The following RPS6KC1 variants were observed in gnomAD, a reference collection of about 807,000 sequenced individuals.
RPS6KC1 encodes ribosomal protein S6 kinase C1.
A neutral mutation model predicts 103.8 loss-of-function variants in RPS6KC1; 54 were observed. The observed-to-expected ratio is 0.52, with a 90% CI of 0.42 to 0.65. RPS6KC1 has a LOEUF of 0.65. Among genes scored for constraint, RPS6KC1 ranks in the 30% least tolerant of loss-of-function variants. The pLI is 0.00. For missense variants in RPS6KC1, 1,151 were observed against 1,253.8 expected (o/e 0.92, Z 1.24); for synonymous variants, 439 against 438.7 (o/e 1.00, Z -0.01).
the RPS6KC1 span, among the ~76,000 whole-genome samples, chr1:213,499,766 T>C: frequency 1.3e-5 from 2 of 152,092 alleles, no homozygotes; most frequent in Non-Finnish European, 2.9e-5. Flanking sequence ...AGCCTATTGC[T>C]CCTAGACTAC....
At chr1:213,430,617 CT>C in the RPS6KC1 span, among the ~76,000 whole-genome samples, 1 of 152,312 alleles carries the variant, frequency 6.6e-6, no homozygotes, top group South Asian at 2.1e-4. Flanking sequence ...TCCTCAGCAT[CT>C]GGACGAAGTC....
At chr1:213,491,839 G>A in the RPS6KC1 span, among the ~76,000 whole-genome samples, 2 of 152,190 alleles carry the variant, frequency 1.3e-5, no homozygotes, top group South Asian at 4.1e-4. Flanking sequence ...TGGAACAGGG[G>A]CTGAACAGGG....
At chr1:213,756,872 A>G in the RPS6KC1 span, among the ~76,000 whole-genome samples, 1 of 152,234 alleles carries the variant, frequency 6.6e-6, no homozygotes, top group East Asian at 1.9e-4. Flanking sequence ...GGCCCCCCCA[A>G]AGTACTGGTA....
rs534336962 is a variant in RPS6KC1, at chr1:213,078,473, C to T, written c.262+657C>T. ...CTGGAGTATAGTGGCACGATCTTGGCTTACTGCAGCCTCCACCTCCTGGGT... is the reference window on the plus strand; with the variant it reads ...CTGGAGTATAGTGGCACGATCTTGGTTTACTGCAGCCTCCACCTCCTGGGT... On this transcript the variant is annotated intron_variant, in intron 3 of 14. Coordinates refer to ENST00000366960, the MANE Select transcript of RPS6KC1 (RefSeq NM_012424.6). Among the ~76,000 whole-genome samples the T allele has an allele frequency of 2.0e-3, 300 of 152,186 alleles. 1 individual carries two copies. The highest frequency in any genetic ancestry group is 7.0e-3 in the African/African-American group (289 of 41,524).
chr1:213,428,594 GCCTCCCTC>G, the RPS6KC1 span: 1 of 40,030 alleles, frequency 2.5e-5, no homozygotes, highest in Non-Finnish European at 4.4e-5. Flanking sequence ...CTCCCTTCCT[GCCTCCCTC>G]CCTCCCTCCC....
intron 2 of RPS6KC1, among the ~76,000 whole-genome samples, chr1:213,071,592 A>G (rs370789170): frequency 6.6e-6 from 1 of 152,144 alleles, no homozygotes. Context: ...CTAAGTGATC[A>G]TTGTTCTGGT....
chr1:213,762,750 AC>A, the RPS6KC1 span, among the ~76,000 whole-genome samples: 1 of 152,262 alleles, frequency 6.6e-6, no homozygotes, highest in African/African-American at 2.4e-5. Context: ...CTGTGTGAGG[AC>A]CTTTTTTGAA....
At chr1:213,746,858 C>G in the RPS6KC1 span, among the ~76,000 whole-genome samples, 1 of 152,100 alleles carries the variant, frequency 6.6e-6, no homozygotes, top group African/African-American at 2.4e-5. Flanking sequence ...ATTCTCACAA[C>G]TGAGATGGAG....
the RPS6KC1 span, among the ~76,000 whole-genome samples, chr1:213,462,975 T>C: frequency 2.9e-3 from 443 of 152,374 alleles, 3 homozygotes; most frequent in African/African-American, 0.01. Context: ...TGTAGACATA[T>C]GTTGCTGTGT....
At chr1:213,510,666 T>A in the RPS6KC1 span, among the ~76,000 whole-genome samples, 2 of 152,312 alleles carry the variant, frequency 1.3e-5, no homozygotes, top group South Asian at 4.1e-4. Flanking sequence ...CCAGTTCAAG[T>A]CCTGTTTTCT....
chr1:213,647,674 A>C, the RPS6KC1 span, among the ~76,000 whole-genome samples: 1 of 152,226 alleles, frequency 6.6e-6, no homozygotes, highest in Non-Finnish European at 1.5e-5. Flanking sequence ...TGGGTAATCT[A>C]TTAATCCAAA....
At chr1:213,661,803 A>G in the RPS6KC1 span, among the ~76,000 whole-genome samples, 1 of 152,168 alleles carries the variant, frequency 6.6e-6, no homozygotes, top group Admixed American at 6.5e-5. Context: ...TAAACTTGCA[A>G]TTTATGCCAG....
At chr1:213,282,202 CA>C in the RPS6KC1 span, among the ~76,000 whole-genome samples, 1 of 152,314 alleles carries the variant, frequency 6.6e-6, no homozygotes, top group African/African-American at 2.4e-5. Context: ...AATATGGTTT[CA>C]ACCAAGGAGC....
chr1:213,416,673 C>T, the RPS6KC1 span, among the ~76,000 whole-genome samples: 2 of 152,196 alleles, frequency 1.3e-5, no homozygotes, highest in East Asian at 1.9e-4. Context: ...GTCGTGCCTC[C>T]GCTGGGACTG....
chr1:213,602,220 T>TCTTC, the RPS6KC1 span, among the ~76,000 whole-genome samples: 966 of 113,610 alleles, frequency 8.5e-3, 64 homozygotes, highest in African/African-American at 0.032. Flanking sequence ...CTCCATTCCT[T>TCTTC]CTTCCTTCCT....
chr1:213,558,099 T>C, the RPS6KC1 span, among the ~76,000 whole-genome samples: 1 of 152,144 alleles, frequency 6.6e-6, no homozygotes, highest in Non-Finnish European at 1.5e-5. Context: ...TGAGCTTCCT[T>C]TTCTTCCCTT....
At chr1:213,186,312 C>T (rs114569240) in intron 8 of RPS6KC1, among the ~76,000 whole-genome samples, 3 of 150,738 alleles carry the variant, frequency 2.0e-5, no homozygotes, top group African/African-American at 4.9e-5. Flanking sequence ...AATAGTTTCT[C>T]TCTCCTTCAT....
intron 3 of RPS6KC1, among the ~76,000 whole-genome samples, chr1:213,082,599 T>C (rs1436030583): frequency 6.6e-6 from 1 of 152,184 alleles, no homozygotes. Flanking sequence ...CCTACAGTTA[T>C]GTGGAAAGTT....
intron 6 of RPS6KC1, among the ~76,000 whole-genome samples, chr1:213,165,054 G>T (rs74139106): frequency 2.6e-5 from 4 of 152,010 alleles, no homozygotes; most frequent in African/African-American, 9.6e-5. Context: ...AATTTGACTA[G>T]TTAGAAATAT....
Sources: gnomAD v4.1 joint callset for allele counts (sites outside exome capture counted in the v4.1 genomes callset) on GRCh38, gnomAD v4.1.1 for gene constraint, MANE v1.5 for transcripts, NCBI Gene and HGNC (gene_info 2026-07-23, HGNC 2026-07-21) for gene names.